The following ZNF141 variants were observed in gnomAD, a reference collection of about 807,000 sequenced individuals.
The protein encoded by ZNF141 is zinc finger protein 141 (clone pHZ-44).
A neutral mutation model predicts 11.3 loss-of-function variants in ZNF141; 7 were observed. The ratio of observed to expected loss-of-function variants is 0.62; its 90% CI spans 0.35 to 1.16. The LOEUF (loss-of-function observed/expected upper bound fraction) is 1.16. ZNF141 is among the 50% of genes most tolerant of loss of function. The probability of loss-of-function intolerance (pLI) is 0.02; values close to 1 mark genes in which losing one functional copy is unlikely to be tolerated. For synonymous variants in ZNF141, 183 were observed against 190.7 expected (o/e 0.96, Z 0.33); for missense variants, 535 against 554.0 (o/e 0.97, Z 0.34).
chr4:344,242 A>G, intron 2 of ZNF141, 93 bp from the exon 3 acceptor site: 1 of 1,129,800 alleles, frequency 8.9e-7, no homozygotes. Flanking sequence ...AGAATCTTCC[A>G]TAATATCTCT....
intron 3 of ZNF141, among the ~76,000 whole-genome samples, chr4:358,851 G>T (rs896015069): frequency 1.3e-5 from 2 of 152,206 alleles, no homozygotes; most frequent in South Asian, 2.1e-4. Context: ...TGGGATTACA[G>T]GTGTGAGCCT....
At position 344,335 on chromosome 4, in the gene ZNF141, G is replaced by A; in HGVS notation, c.131G>A (p.Gly44Asp). 3 of 1,606,040 alleles carry A rather than the reference G, an allele frequency of 1.9e-6. No individual in the cohort carries two copies. Among genetic ancestry groups the A allele is most frequent in the Non-Finnish European group, 2.6e-6 (3 of 1,174,548 alleles). Reference protein sequence around the residue: ...LENYRNLVSLGVAISNPDLVT... With the variant: ...LENYRNLVSLDVAISNPDLVT... ...TATTATTTTTTTTAAAATAAAACAG[G>A]TGTTGCTATCTCTAACCCAGACCTG... is the stretch of plus-strand genomic sequence containing the variant. Residue 44 changes from glycine (G) to aspartate (D), a missense_variant and splice_region_variant, in exon 3 of 4, where the codon GGT becomes GAT. Coordinates refer to ENST00000240499, the MANE Select transcript of ZNF141 (RefSeq NM_003441.4).
intron 3 of ZNF141, among the ~76,000 whole-genome samples, chr4:348,086 T>C (rs1011994548): frequency 1.3e-5 from 2 of 151,078 alleles, no homozygotes; most frequent in East Asian, 2.0e-4. Context: ...TCTCATGATC[T>C]GCCTGCCTCG....
rs1027577129 is a variant in ZNF141 at position 362,353 on chromosome 4, C to T, written c.227-10311C>T. Among the ~76,000 whole-genome samples the T allele has an allele frequency of 1.2e-4, 19 of 152,140 alleles. 1 individual carries two copies. The highest frequency in any genetic ancestry group is 3.9e-4 in the Admixed American group (6 of 15,268). On this transcript the variant is annotated intron_variant, in intron 3 of 3. Transcript: ENST00000240499. The stretch of plus-strand genomic sequence containing the variant: ...TGCCTGTTCACTCTGATGGTAGTTT[C>T]TTTTGCTGTGCAGAAGCTCTTTTGT...
chr4:353,050 C>G (rs1721678574), intron 3 of ZNF141, among the ~76,000 whole-genome samples: 1 of 151,992 alleles, frequency 6.6e-6, no homozygotes, highest in Non-Finnish European at 1.5e-5. Flanking sequence ...GGTTGGTGTT[C>G]AGCAAACTCC....
At position 380,061 on chromosome 4, in the gene ZNF141, T is replaced by C. The variant is rs1314420829; in HGVS notation, c.*6199T>C. 6.6e-6 allele frequency among the ~76,000 whole-genome samples: 1 copy of C among 152,228 alleles called. No individual in the cohort carries two copies. The highest frequency in any genetic ancestry group is 1.5e-5 in the Non-Finnish European group (1 of 68,044). On this transcript the variant is annotated 3_prime_UTR_variant, in exon 4 of 4. Coordinates refer to ENST00000240499, the MANE Select transcript of ZNF141 (RefSeq NM_003441.4). Reference sequence around the variant, plus strand: ...CATGTCTCCAGATGCCCCTTTCTTGTAAATACCCAAGCATCTGGTAACCAG... The same window carrying C: ...CATGTCTCCAGATGCCCCTTTCTTGCAAATACCCAAGCATCTGGTAACCAG...
chr4:350,774 C>T, intron 3 of ZNF141, among the ~76,000 whole-genome samples: 1 of 152,162 alleles, frequency 6.6e-6, no homozygotes, highest in Admixed American at 6.6e-5. Flanking sequence ...GAGTCTCGCT[C>T]TGTGGCTCAG....
chr4:353,697 G>A (rs1175099348), intron 3 of ZNF141, among the ~76,000 whole-genome samples: 20 of 151,944 alleles, frequency 1.3e-4, no homozygotes, highest in Admixed American at 1.3e-3. Flanking sequence ...CCTGACCTCA[G>A]GTGATCCCTC....
At chr4:357,609 T>TC in intron 3 of ZNF141, among the ~76,000 whole-genome samples, 1 of 152,004 alleles carries the variant, frequency 6.6e-6, no homozygotes, top group Non-Finnish European at 1.5e-5. Flanking sequence ...AATTTTTTTT[T>TC]CTCTGTCTCC....
At chr4:369,938 T>C (rs1711974528) in intron 3 of ZNF141, among the ~76,000 whole-genome samples, 1 of 151,034 alleles carries the variant, frequency 6.6e-6, no homozygotes, top group East Asian at 1.9e-4. Context: ...AGCTAATTTT[T>C]GTATTTTTAG....
chr4:379,667 C>A lies in ZNF141; in HGVS notation c.*5805C>A, dbSNP rs1253549150. 6.6e-6 allele frequency among the ~76,000 whole-genome samples: 1 copy of A among 152,200 alleles called. No individual in the cohort carries two copies. Among genetic ancestry groups the A allele is most frequent in the Middle Eastern group, 3.2e-3 (1 of 316 alleles). On this transcript the variant is annotated 3_prime_UTR_variant, in exon 4 of 4. Coordinates refer to ENST00000240499, the MANE Select transcript of ZNF141 (RefSeq NM_003441.4). The stretch of plus-strand genomic sequence containing the variant: ...GAATTACAGGCGTGAGCCACTGCGC[C>A]CAGCCTCTATGGTTATTATATTACA...
intron 3 of ZNF141, among the ~76,000 whole-genome samples, chr4:359,715 ACTC>A (rs1357957761): frequency 6.8e-6 from 1 of 147,864 alleles, no homozygotes; most frequent in Non-Finnish European, 1.5e-5. Flanking sequence ...GTCAGGAAAA[ACTC>A]CTCCTGGATT....
rs782289221 is a variant in ZNF141 at position 373,875 on chromosome 4, A to G, written c.*13A>G. On this transcript the variant is annotated 3_prime_UTR_variant, in exon 4 of 4. Transcript: ENST00000240499. Reference sequence around the variant, plus strand: ...AATTCATACTTGAGAGAAATCCTACAAATGTAAAGAATGTGGCAAACCTTT... The same window carrying G: ...AATTCATACTTGAGAGAAATCCTACGAATGTAAAGAATGTGGCAAACCTTT... The G allele has an allele frequency of 5.7e-6, 9 of 1,585,798 alleles. No homozygotes were observed. The highest frequency in any genetic ancestry group is 1.4e-5 in the African/African-American group (1 of 73,494).
chr4:348,438 C>G (rs568403460), intron 3 of ZNF141, among the ~76,000 whole-genome samples: 2 of 152,212 alleles, frequency 1.3e-5, no homozygotes, highest in South Asian at 4.2e-4. Context: ...GCCTGCCAGA[C>G]AAGGTGGCTC....
intron 3 of ZNF141, among the ~76,000 whole-genome samples, chr4:370,300 G>A (rs140926778): frequency 2.2e-3 from 338 of 151,972 alleles, no homozygotes; most frequent in Non-Finnish European, 3.9e-3. Flanking sequence ...ATTTGTGTTT[G>A]TGCATATGTT....
chr4:345,742 A>AAAAC (rs1721291821), intron 3 of ZNF141, among the ~76,000 whole-genome samples: 1 of 151,934 alleles, frequency 6.6e-6, no homozygotes, highest in African/African-American at 2.4e-5. Flanking sequence ...AAAAAAAAAA[A>AAAAC]AAAAAAAAGT....
chr4:363,339 C>T (rs1711576047), intron 3 of ZNF141, among the ~76,000 whole-genome samples: 1 of 152,184 alleles, frequency 6.6e-6, no homozygotes, highest in Non-Finnish European at 1.5e-5. Context: ...TTGACTTCCT[C>T]TTTTCCTAAT....
In ZNF141 at chr4:337,883, G is replaced by T. The variant is rs1720860890; in HGVS notation, c.-101G>T. 2.8e-6 allele frequency: 4 copies of T among 1,411,614 alleles called. No homozygotes were observed. The highest frequency in any genetic ancestry group is 3.8e-6 in the Non-Finnish European group (4 of 1,046,304). The allele number at this position is 1,411,614 out of a possible 1,614,324, so 87.4% of individuals were successfully genotyped here. Reference sequence around the variant, plus strand: ...TCTCTCTGCGTTCTCAGTTGTGGGAGGCCTTGGTGATTCGGCCACAGCTCA... The same window carrying T: ...TCTCTCTGCGTTCTCAGTTGTGGGATGCCTTGGTGATTCGGCCACAGCTCA... On this transcript the variant is annotated 5_prime_UTR_variant, in exon 1 of 4. The change creates a new upstream start codon in the 5' untranslated region. Coordinates refer to ENST00000240499, the MANE Select transcript of ZNF141 (RefSeq NM_003441.4).
Position 381,313 on chromosome 4 carries a change from C to T in ZNF141, c.*7451C>T, listed in dbSNP as rs956889575. Reference sequence around the variant, plus strand: ...TAAATTTATCTCTAGGAACCTCAGCCGAGCAGTCAGAACTCACAGCTCTGA... The same window carrying T: ...TAAATTTATCTCTAGGAACCTCAGCTGAGCAGTCAGAACTCACAGCTCTGA... On this transcript the variant is annotated 3_prime_UTR_variant, in exon 4 of 4. Transcript: ENST00000240499. 4.6e-5 allele frequency among the ~76,000 whole-genome samples: 7 copies of T among 151,232 alleles called. No homozygotes were observed. The East Asian group carries it at 7.7e-4, about 17-fold the overall frequency.
Sources: gnomAD v4.1 joint callset for allele counts (sites outside exome capture counted in the v4.1 genomes callset) on GRCh38, gnomAD v4.1.1 for gene constraint, MANE v1.5 for transcripts, NCBI Gene and HGNC (gene_info 2026-07-23, HGNC 2026-07-21) for gene names.